The following NRXN1 variants were observed in gnomAD, a reference collection of about 807,000 sequenced individuals.
NRXN1 encodes neurexin 1.
NRXN1 carries 39 observed loss-of-function variants against 150.9 expected under a neutral mutation model. The ratio of observed to expected loss-of-function variants is 0.26; its 90% CI spans 0.20 to 0.34. The LOEUF is 0.34. Among genes scored for constraint, NRXN1 ranks in the 10% least tolerant of loss-of-function variants. The pLI is 1.00. For synonymous variants in NRXN1, 924 were observed against 757.0 expected (o/e 1.22, Z -3.62); for missense variants, 1,815 against 1,949.9 (o/e 0.93, Z 1.30).
At chr2:50,882,123 T>G (rs72823536) in intron 5 of NRXN1, among the ~76,000 whole-genome samples, 1 of 151,822 alleles carries the variant, frequency 6.6e-6, no homozygotes, top group African/African-American at 2.4e-5. Context: ...AAAGTTAAAG[T>G]AGAATTTATG....
chr2:50,000,462 C>T (rs1434382430), intron 21 of NRXN1, among the ~76,000 whole-genome samples: 1 of 152,138 alleles, frequency 6.6e-6, no homozygotes, highest in African/African-American at 2.4e-5. Context: ...ATCCAGCACA[C>T]AAATTTGCTA....
chr2:50,291,442 G>A (rs1279881461), intron 17 of NRXN1, among the ~76,000 whole-genome samples: 2 of 152,004 alleles, frequency 1.3e-5, no homozygotes, highest in Non-Finnish European at 2.9e-5. Context: ...TTCAACAGGC[G>A]ATACTTTGCC....
At chr2:49,987,976 G>GT in intron 21 of NRXN1, among the ~76,000 whole-genome samples, 1 of 152,078 alleles carries the variant, frequency 6.6e-6, no homozygotes, top group Middle Eastern at 3.4e-3. Flanking sequence ...TGAAGCTATA[G>GT]TTTCCTATGT....
chr2:50,422,831 G>C (rs1485086754), intron 17 of NRXN1, among the ~76,000 whole-genome samples: 2 of 152,158 alleles, frequency 1.3e-5, no homozygotes, highest in East Asian at 3.9e-4. Flanking sequence ...CAGTTACGTG[G>C]ATAAATCTTT....
chr2:50,696,581 T>G (rs1191649888), intron 5 of NRXN1, among the ~76,000 whole-genome samples: 1 of 152,126 alleles, frequency 6.6e-6, no homozygotes, highest in Non-Finnish European at 1.5e-5. Context: ...CAATGTCTAT[T>G]TATTTTCTTT....
At chr2:50,076,769 A>C (rs776755338) in intron 19 of NRXN1, among the ~76,000 whole-genome samples, 62 of 152,192 alleles carry the variant, frequency 4.1e-4, no homozygotes, top group Non-Finnish European at 9.0e-4. Flanking sequence ...CATCTAGACA[A>C]AGAATAACCA....
At chr2:50,348,205 CAT>C (rs1481441764) in intron 17 of NRXN1, among the ~76,000 whole-genome samples, 1 of 152,182 alleles carries the variant, frequency 6.6e-6, no homozygotes, top group Non-Finnish European at 1.5e-5. Context: ...CTGTTAATCA[CAT>C]ATGTTACTCA....
In NRXN1 at chr2:51,028,801, G is replaced by A. The variant is rs1291174790; in HGVS notation, c.-528C>T. The A allele has an allele frequency of 6.6e-6, 1 of 152,482 alleles. No individual in the cohort carries two copies. Among genetic ancestry groups the A allele is most frequent in the Admixed American group, 6.5e-5 (1 of 15,288 alleles). 9.4% of individuals were successfully genotyped at this position (152,482 alleles called of 1,614,324 possible). On this transcript the variant is annotated 5_prime_UTR_variant, in exon 2 of 23. Transcript: ENST00000401669. ...CCAGTATCCTTGGATGCTTGTGAAT[G>A]CCTCAAGTCTGTCTCCTTCAGATGT...
intron 18 of NRXN1, among the ~76,000 whole-genome samples, chr2:50,216,294 C>T (rs1422105098): frequency 6.6e-6 from 1 of 151,892 alleles, no homozygotes; most frequent in Non-Finnish European, 1.5e-5. Context: ...TTATAAACAT[C>T]TTAATGTTTA....
Position 50,916,780 on chromosome 2 carries a change from T to C in NRXN1, c.832+5089A>G, listed in dbSNP as rs1685269630. ...TTATCATTGTTTAAGGAATGTATAATGACACAGAAAACTTTGCTTCACAGA... is the reference window on the plus strand; with the variant it reads ...TTATCATTGTTTAAGGAATGTATAACGACACAGAAAACTTTGCTTCACAGA... On this transcript the variant is annotated intron_variant, in intron 5 of 22. Coordinates refer to ENST00000401669, the MANE Select transcript of NRXN1 (RefSeq NM_001330078.2). 2 of 151,642 alleles carry C rather than the reference T, an allele frequency of 1.3e-5. 1 individual carries two copies. The highest frequency in any genetic ancestry group is 3.0e-5 in the Non-Finnish European group (2 of 67,756). The allele number at this position is 151,642 out of a possible 1,614,324, so 9.4% of individuals were successfully genotyped here.
At chr2:50,327,268 C>G (rs1410494086) in intron 17 of NRXN1, among the ~76,000 whole-genome samples, 4 of 152,058 alleles carry the variant, frequency 2.6e-5, no homozygotes, top group African/African-American at 9.7e-5. Context: ...TATGATGATC[C>G]AAAGAAACCA....
intron 8 of NRXN1, among the ~76,000 whole-genome samples, chr2:50,585,003 A>C (rs544540064): frequency 1.6e-4 from 25 of 152,318 alleles, no homozygotes; most frequent in African/African-American, 5.3e-4. Context: ...TCGTGCACAC[A>C]AAGTTTTTTT....
chr2:50,922,866 T>G (rs539862104), intron 3 of NRXN1, among the ~76,000 whole-genome samples, 179 bp from the exon 4 acceptor site: 5 of 151,988 alleles, frequency 3.3e-5, no homozygotes, highest in Admixed American at 1.3e-4. Flanking sequence ...TGGGGCAAAG[T>G]GTTCTAGAAC....
At chr2:50,074,028 G>T (rs1210478350) in intron 19 of NRXN1, among the ~76,000 whole-genome samples, 1 of 152,034 alleles carries the variant, frequency 6.6e-6, no homozygotes, top group African/African-American at 2.4e-5. Flanking sequence ...GATCCCAGCT[G>T]TGCCAATTAA....
At chr2:50,762,717 A>C (rs914738482) in intron 5 of NRXN1, among the ~76,000 whole-genome samples, 2 of 151,972 alleles carry the variant, frequency 1.3e-5, no homozygotes, top group African/African-American at 4.8e-5. Flanking sequence ...TATATGCACC[A>C]GATTTTCTTT....
intron 5 of NRXN1, among the ~76,000 whole-genome samples, chr2:50,639,801 C>T (rs947351106): frequency 4.6e-5 from 7 of 152,080 alleles, no homozygotes; most frequent in African/African-American, 9.7e-5. Flanking sequence ...CATATTTGCA[C>T]TAATTATGTT....
chr2:50,709,178 G>A (rs1419780981), intron 5 of NRXN1, among the ~76,000 whole-genome samples: 1 of 152,044 alleles, frequency 6.6e-6, no homozygotes, highest in African/African-American at 2.4e-5. Flanking sequence ...GAATGAGCTT[G>A]GTATTGGTGG....
intron 17 of NRXN1, among the ~76,000 whole-genome samples, chr2:50,357,701 T>C (rs1041755059): frequency 1.3e-5 from 2 of 152,156 alleles, no homozygotes; most frequent in Non-Finnish European, 2.9e-5. Flanking sequence ...ATTAATAAAA[T>C]TTATAAGGCA....
At chr2:50,761,979 C>T (rs1475611363) in intron 5 of NRXN1, among the ~76,000 whole-genome samples, 1 of 151,856 alleles carries the variant, frequency 6.6e-6, no homozygotes, top group Non-Finnish European at 1.5e-5. Flanking sequence ...GAACGTTGCA[C>T]TGTTGGCTTC....
Sources: allele counts gnomAD v4.1 joint callset (sites outside exome capture counted in the v4.1 genomes callset), GRCh38; gene constraint gnomAD v4.1.1; transcripts MANE v1.5; gene names NCBI Gene and HGNC (gene_info 2026-07-23, HGNC 2026-07-21).